LIN28B: variants seen among roughly 807,000 people sequenced by gnomAD.
LIN28B encodes the protein protein lin-28 homolog B.
Under a neutral mutation model 21.9 loss-of-function variants are expected in LIN28B, and 5 were observed. The ratio of observed to expected loss-of-function variants is 0.23; its 90% CI spans 0.12 to 0.48. The LOEUF (loss-of-function observed/expected upper bound fraction) is 0.48. Among genes scored for constraint, LIN28B ranks in the 20% least tolerant of loss-of-function variants. The pLI is 0.98. For synonymous variants in LIN28B, 109 were observed against 111.3 expected, an observed-to-expected ratio of 0.98 and a Z score of 0.13; for missense variants, 245 against 310.5, an observed-to-expected ratio of 0.79 and a Z score of 1.58.
intron 2 of LIN28B, among the ~76,000 whole-genome samples, chr6:104,963,787 G>C (rs1769801807): frequency 6.6e-6 from 1 of 152,152 alleles, no homozygotes; most frequent in African/African-American, 2.4e-5. Context: ...CTTTGGTGTT[G>C]CATGTTCTCG....
At chr6:104,963,517 T>C (rs1466735616) in intron 2 of LIN28B, among the ~76,000 whole-genome samples, 2 of 152,216 alleles carry the variant, frequency 1.3e-5, no homozygotes, top group African/African-American at 4.8e-5. Flanking sequence ...ATATTGAAGA[T>C]GTAGGCCTTT....
At chr6:104,941,612 C>T (rs372245988) in intron 2 of LIN28B, among the ~76,000 whole-genome samples, 20 of 151,906 alleles carry the variant, frequency 1.3e-4, no homozygotes, top group East Asian at 7.7e-4. Context: ...TTTCGCGCTC[C>T]GCAAGCCGAA....
At position 105,062,447 on chromosome 6, in the gene LIN28B, C is replaced by T. The variant is rs1050687096; in HGVS notation, c.384-15967C>T. Reference sequence around the variant, plus strand: ...GTCAGCAACAGTTACCATTTGACCCCAATGGACTGTTTTAAAATATATTTT... The same window carrying T: ...GTCAGCAACAGTTACCATTTGACCCTAATGGACTGTTTTAAAATATATTTT... On this transcript the variant is annotated intron_variant, in intron 3 of 3. Coordinates refer to ENST00000345080, the MANE Select transcript of LIN28B (RefSeq NM_001004317.4). Among the ~76,000 whole-genome samples the T allele has an allele frequency of 7.2e-5, 11 of 152,062 alleles. No individual in the cohort carries two copies. In the East Asian group the frequency reaches 1.7e-3, roughly 24 times the overall value.
chr6:104,968,664 C>G (rs1427598535), intron 2 of LIN28B, among the ~76,000 whole-genome samples: 1 of 152,088 alleles, frequency 6.6e-6, no homozygotes. Context: ...ATTACTTTTA[C>G]TTTGGCCAAG....
intron 3 of LIN28B, among the ~76,000 whole-genome samples, chr6:105,047,827 A>G (rs1309510673): frequency 4.6e-5 from 7 of 151,990 alleles, no homozygotes; most frequent in African/African-American, 9.7e-5. Context: ...TTTGTCTGTT[A>G]TTGGTGTATA....
intron 2 of LIN28B, among the ~76,000 whole-genome samples, chr6:104,969,968 A>G (rs1422808132): frequency 4.6e-5 from 7 of 152,208 alleles, no homozygotes; most frequent in African/African-American, 1.4e-4. Context: ...GCTCTGGTTC[A>G]GGACCTCAGG....
At chr6:104,964,499 G>C (rs1421716482) in intron 2 of LIN28B, among the ~76,000 whole-genome samples, 2 of 152,104 alleles carry the variant, frequency 1.3e-5, no homozygotes. Flanking sequence ...TATACTTTGA[G>C]CTATTTCCCC....
intron 2 of LIN28B, among the ~76,000 whole-genome samples, chr6:104,966,213 T>G (rs1388867034): frequency 1.3e-5 from 2 of 152,186 alleles, no homozygotes; most frequent in African/African-American, 4.8e-5. Flanking sequence ...AATGAGTGTT[T>G]GGCTTCGGCT....
chr6:104,937,904 T>C (rs1472740105), intron 2 of LIN28B, among the ~76,000 whole-genome samples: 1 of 151,906 alleles, frequency 6.6e-6, no homozygotes, highest in African/African-American at 2.4e-5. Context: ...TGGGAATAAT[T>C]ATTAGATATA....
At chr6:104,991,313 G>T (rs1037352373) in intron 2 of LIN28B, among the ~76,000 whole-genome samples, 1 of 150,938 alleles carries the variant, frequency 6.6e-6, no homozygotes, top group African/African-American at 2.4e-5. Context: ...GCTGCCGCGC[G>T]GAGGGGCTCC....
At chr6:104,942,238 A>G (rs971484559) in intron 2 of LIN28B, among the ~76,000 whole-genome samples, 5 of 152,230 alleles carry the variant, frequency 3.3e-5, no homozygotes, top group African/African-American at 9.6e-5. Flanking sequence ...GACAACTAGT[A>G]TTAGAATGAA....
At chr6:105,036,764 C>A (rs1324028700) in intron 3 of LIN28B, among the ~76,000 whole-genome samples, 1 of 152,114 alleles carries the variant, frequency 6.6e-6, no homozygotes, top group Non-Finnish European at 1.5e-5. Flanking sequence ...GTTCCAGAAG[C>A]AACTCTAATA....
At position 105,026,431 on chromosome 6, in the gene LIN28B, A is replaced by G. The variant is rs1372465163; in HGVS notation, c.332A>G (p.Glu111Gly). The G allele has an allele frequency of 1.2e-6, 2 of 1,610,048 alleles. No individual in the cohort carries two copies. The highest frequency in any genetic ancestry group is 1.7e-5 in the Admixed American group (1 of 59,116). ...GPGGSPCLGS[E>G]RRPKGKTLQK... ...GGTGGGAGCCCCTGTTTAGGAAGTGAAAGAAGACCCAAAGGGAAGACACTA... is the reference window on the plus strand; with the variant it reads ...GGTGGGAGCCCCTGTTTAGGAAGTGGAAGAAGACCCAAAGGGAAGACACTA... The change falls in exon 3 of 4, where the codon GAA becomes GGA. Residue 111 changes from glutamate to glycine, a missense_variant. Glu to Gly is a moderately conservative substitution (Grantham distance 98). Coordinates refer to ENST00000345080, the MANE Select transcript of LIN28B (RefSeq NM_001004317.4).
intron 2 of LIN28B, among the ~76,000 whole-genome samples, chr6:105,004,466 C>T (rs1347903347): frequency 6.7e-6 from 1 of 149,812 alleles, no homozygotes. Flanking sequence ...ACTTCTGTAT[C>T]TTTTTTTTTT....
chr6:104,938,613 T>G (rs1035343987), intron 2 of LIN28B, among the ~76,000 whole-genome samples: 2 of 148,018 alleles, frequency 1.4e-5, no homozygotes, highest in Admixed American at 1.4e-4. Flanking sequence ...CACTCAAGCC[T>G]GGGGGACATA....
intron 2 of LIN28B, among the ~76,000 whole-genome samples, chr6:105,016,766 A>G (rs1429920848): frequency 6.6e-6 from 1 of 152,168 alleles, no homozygotes; most frequent in African/African-American, 2.4e-5. Context: ...ATAAGAAAAC[A>G]GACACATTGG....
chr6:105,021,599 A>G (rs557188099), intron 2 of LIN28B, among the ~76,000 whole-genome samples: 5 of 152,324 alleles, frequency 3.3e-5, no homozygotes, highest in African/African-American at 9.6e-5. Context: ...TTAGTGATGT[A>G]ACGTTGAACA....
chr6:104,992,070 G>GTT (rs769165536), intron 2 of LIN28B, among the ~76,000 whole-genome samples: 346 of 144,648 alleles, frequency 2.4e-3, no homozygotes, highest in Admixed American at 3.9e-3. Context: ...TTCACATCTT[G>GTT]TTTTTTTTTT....
intron 3 of LIN28B, among the ~76,000 whole-genome samples, chr6:105,029,855 G>A (rs920563906): frequency 6.6e-6 from 1 of 152,168 alleles, no homozygotes; most frequent in Non-Finnish European, 1.5e-5. Flanking sequence ...GGCAGCAAAT[G>A]TAATGATGGA....
Sources: gnomAD v4.1 joint callset for allele counts (sites outside exome capture counted in the v4.1 genomes callset) on GRCh38, gnomAD v4.1.1 for gene constraint, MANE v1.5 for transcripts, NCBI Gene and HGNC (gene_info 2026-07-23, HGNC 2026-07-21) for gene names.